IMMT: variants seen among roughly 807,000 people sequenced by gnomAD.
The protein encoded by IMMT is inner membrane mitochondrial protein.
In IMMT, 40 loss-of-function variants were observed where a neutral mutation model predicts 92.7. That is an observed-to-expected ratio of 0.43 (90% confidence interval 0.34 to 0.56). IMMT has a LOEUF of 0.56. IMMT is among the 20% of genes least tolerant of loss of function. The probability of loss-of-function intolerance (pLI) is 0.03; values close to 1 mark genes in which losing one functional copy is unlikely to be tolerated. For missense variants in IMMT, 831 were observed against 912.1 expected, an observed-to-expected ratio of 0.91 and a Z score of 1.14; for synonymous variants, 322 against 336.1, an observed-to-expected ratio of 0.96 and a Z score of 0.46.
In IMMT at chr2:86,167,088, ACT is replaced by A. The variant is rs527801889; in HGVS notation, c.656-446_656-445del. 8.1e-3 allele frequency among the ~76,000 whole-genome samples: 1,158 copies of A among 143,056 alleles called. 18 individuals carry two copies. Among genetic ancestry groups the A allele is most frequent in the African/African-American group, 0.028 (1,091 of 38,358 alleles). 93.9% of individuals were successfully genotyped at this position (143,056 alleles called of 152,430 possible). ...ACTCTAGCCTGGGCGACAGAGCGAG[ACT>A]CTCTCAAAAAAAAAAAAGAAAACAT... On this transcript the variant is annotated intron_variant, in intron 6 of 14. Coordinates refer to ENST00000410111, the MANE Select transcript of IMMT (RefSeq NM_006839.3).
intron 7 of IMMT, among the ~76,000 whole-genome samples, chr2:86,166,267 G>A (rs530196044): frequency 1.2e-4 from 18 of 152,196 alleles, no homozygotes; most frequent in African/African-American, 4.1e-4. Flanking sequence ...GGAGGTGGAG[G>A]TTGCAATGAG....
rs185274034 is a variant in IMMT, at chr2:86,161,540, G to A, written c.896+436C>T. On this transcript the variant is annotated intron_variant, in intron 8 of 14. Transcript: ENST00000410111. Reference sequence around the variant, plus strand: ...TTTTTTTTTTTTTTTTTGAGACAGCGTCTCACTCTGTCGCCCAGGCTGGAG... The same window carrying A: ...TTTTTTTTTTTTTTTTTGAGACAGCATCTCACTCTGTCGCCCAGGCTGGAG... Among the ~76,000 whole-genome samples the A allele has an allele frequency of 8.3e-3, 1,003 of 120,982 alleles. 16 individuals carry two copies. The highest frequency in any genetic ancestry group is 0.029 in the African/African-American group (918 of 31,178). The allele number at this position is 120,982 out of a possible 152,430, so 79.4% of individuals were successfully genotyped here.
intron 10 of IMMT, 71 bp downstream of exon 10, chr2:86,158,521 T>G: frequency 7.5e-7 from 1 of 1,325,478 alleles, no homozygotes; most frequent in South Asian, 1.3e-5. Context: ...ACAATGGAGA[T>G]GAAGCAAGTT....
At chr2:86,148,898 CCTGTGTGCCAGGCAGTGCCTACTAT>C (rs1488521020) in intron 12 of IMMT, among the ~76,000 whole-genome samples, 9 of 152,110 alleles carry the variant, frequency 5.9e-5, no homozygotes, top group African/African-American at 1.7e-4. Context: ...TGCTACTAGC[CCTGTGTGCCAGGCAGTGCCTACTAT>C]CTGTACGGAT....
At chr2:86,146,230 G>C in intron 13 of IMMT, 33 bp from the exon 14 acceptor site, 1 of 1,587,666 alleles carries the variant, frequency 6.3e-7, no homozygotes, top group Non-Finnish European at 8.6e-7. Context: ...CCAGAAAAAA[G>C]TGATACTCAA....
At chr2:86,182,939 C>G (rs576407848) in intron 1 of IMMT, among the ~76,000 whole-genome samples, 8 of 152,142 alleles carry the variant, frequency 5.3e-5, no homozygotes, top group African/African-American at 1.7e-4. Flanking sequence ...ATTACCTACC[C>G]TGTAGAATTC....
At chr2:86,166,254 C>G (rs941724783) in intron 7 of IMMT, among the ~76,000 whole-genome samples, 8 of 152,110 alleles carry the variant, frequency 5.3e-5, no homozygotes, top group Admixed American at 4.6e-4. Flanking sequence ...TCGCTTGAAC[C>G]TGGGAGGTGG....
chr2:86,167,882 C>G (rs7576395), intron 6 of IMMT, among the ~76,000 whole-genome samples: 1,837 of 150,420 alleles, frequency 0.012, 44 homozygotes, highest in African/African-American at 0.042. Flanking sequence ...ATGGGAGAAA[C>G]AAGGTTTAGG....
intron 6 of IMMT, among the ~76,000 whole-genome samples, chr2:86,167,299 G>C (rs1676763338): frequency 1.4e-5 from 2 of 147,140 alleles, no homozygotes; most frequent in Non-Finnish European, 3.0e-5. Flanking sequence ...AGCCTCCCGA[G>C]TAGCTGGGAC....
At chr2:86,187,547 T>C (rs943468380) in intron 1 of IMMT, among the ~76,000 whole-genome samples, 7 of 152,230 alleles carry the variant, frequency 4.6e-5, no homozygotes, top group African/African-American at 1.7e-4. Flanking sequence ...CTAAAAGTTT[T>C]TGTTTGAACA....
chr2:86,161,808 C>T (rs561938060), intron 8 of IMMT, 168 bp downstream of exon 8: 7 of 543,928 alleles, frequency 1.3e-5, no homozygotes, highest in African/African-American at 3.9e-5. Context: ...GCCACCGTGC[C>T]CGGCCTGTAC....
intron 13 of IMMT, among the ~76,000 whole-genome samples, chr2:86,147,339 C>T (rs1293334736): frequency 6.6e-6 from 1 of 152,136 alleles, no homozygotes. Flanking sequence ...TTACAGGCAT[C>T]CTGATAATTT....
At chr2:86,183,890 T>C (rs1015753213) in intron 1 of IMMT, among the ~76,000 whole-genome samples, 2 of 152,234 alleles carry the variant, frequency 1.3e-5, no homozygotes, top group African/African-American at 4.8e-5. Context: ...TAATGTTTAA[T>C]TGTTAACCAG....
At chr2:86,184,664 G>A (rs1672637799) in intron 1 of IMMT, among the ~76,000 whole-genome samples, 1 of 151,300 alleles carries the variant, frequency 6.6e-6, no homozygotes, top group Non-Finnish European at 1.5e-5. Context: ...GGCAGAAGCT[G>A]AAGAACCTTG....
Position 86,170,941 on chromosome 2 carries a change from A to T in IMMT, c.560-97T>A, listed in dbSNP as rs1029537854. 6.6e-6 allele frequency: 6 copies of T among 910,868 alleles called. No homozygotes were observed. In the African/African-American group the frequency reaches 6.7e-5, roughly 10 times the overall value. 56.4% of individuals were successfully genotyped at this position (910,868 alleles called of 1,614,324 possible). A position where few individuals can be genotyped will look rare whatever the true frequency, so the allele number is the denominator to read the frequency against. On this transcript the variant is annotated intron_variant, in intron 5 of 14. Coordinates refer to ENST00000410111, the MANE Select transcript of IMMT (RefSeq NM_006839.3). ...AAAGCATCGTTTGTACTGGCCAGTT[A>T]TATCAATGCAGGGCATTTTTGTGTT...
In IMMT at chr2:86,151,407, T is replaced by C. The variant is rs1230959623; in HGVS notation, c.1291A>G (p.Thr431Ala). 3 of 1,613,876 alleles carry C rather than the reference T, an allele frequency of 1.9e-6. No homozygotes were observed. The highest frequency in any genetic ancestry group is 1.6e-4 in the Middle Eastern group (1 of 6,084). ...EQKATEKQHI[T>A]LALEKQKLEE... is the part of the protein sequence containing the mutation. Reference sequence around the variant, plus strand: ...AGCTTTTGTTTCTCCAAGGCTAACGTGATGTGCTGCTTTTCGGTGGCCTTC... The same window carrying C: ...AGCTTTTGTTTCTCCAAGGCTAACGCGATGTGCTGCTTTTCGGTGGCCTTC... Residue 431 changes from threonine (T) to alanine (A), a missense_variant, in exon 12 of 15, where the codon ACG becomes GCG. Transcript: ENST00000410111.
intron 11 of IMMT, among the ~76,000 whole-genome samples, chr2:86,153,287 T>A (rs570731916): frequency 7.3e-6 from 1 of 137,442 alleles, no homozygotes; most frequent in South Asian, 2.3e-4. Context: ...TCCAAAGTAA[T>A]CAGTTACAAT....
At position 86,171,561 on chromosome 2, in the gene IMMT, G is replaced by T. The variant is rs1241052899; in HGVS notation, c.422-216C>A. The T allele has an allele frequency of 1.7e-4, 88 of 514,136 alleles. No homozygotes were observed. The East Asian group carries it at 2.9e-3, about 17-fold the overall frequency. 31.8% of individuals were successfully genotyped at this position (514,136 alleles called of 1,614,324 possible). A position where few individuals can be genotyped will look rare whatever the true frequency, so the allele number is the denominator to read the frequency against. ...GGACAATGGTTGGGAACGAACAAAA[G>T]AAAGAAGTCTTGTCTGCATCCACCT... On this transcript the variant is annotated intron_variant, in intron 4 of 14. Transcript: ENST00000410111.
At chr2:86,187,756 T>C (rs1672867918) in intron 1 of IMMT, among the ~76,000 whole-genome samples, 1 of 151,656 alleles carries the variant, frequency 6.6e-6, no homozygotes, top group Non-Finnish European at 1.5e-5. Context: ...CCAGTAAAAA[T>C]ACAAAATTAG....
Sources: gnomAD v4.1 joint callset for allele counts (sites outside exome capture counted in the v4.1 genomes callset) on GRCh38, gnomAD v4.1.1 for gene constraint, MANE v1.5 for transcripts, NCBI Gene and HGNC (gene_info 2026-07-23, HGNC 2026-07-21) for gene names.